The following ATXN7 variants were observed in gnomAD, a reference collection of about 807,000 sequenced individuals.
ATXN7 encodes the protein ataxin 7.
In ATXN7, 12 loss-of-function variants were observed where a neutral mutation model predicts 70.5. The observed-to-expected ratio is 0.17, with a 90% CI of 0.11 to 0.28. ATXN7 has a LOEUF of 0.28. Among genes scored for constraint, ATXN7 ranks in the 10% least tolerant of loss-of-function variants. ATXN7 has a pLI of 1.00. For missense variants in ATXN7, 1,256 were observed against 1,131.7 expected, an observed-to-expected ratio of 1.11 and a Z score of -1.58; for synonymous variants, 498 against 448.7, an observed-to-expected ratio of 1.11 and a Z score of -1.39.
chr3:63,946,471 C>T (rs906336092), intron 4 of ATXN7, among the ~76,000 whole-genome samples: 1 of 152,018 alleles, frequency 6.6e-6, no homozygotes, highest in African/African-American at 2.4e-5. Flanking sequence ...AACCCGTTCT[C>T]TACTAAAAAT....
intron 1 of ATXN7, among the ~76,000 whole-genome samples, chr3:63,897,167 A>C (rs1367048348): frequency 6.6e-6 from 1 of 152,240 alleles, no homozygotes; most frequent in East Asian, 1.9e-4. Flanking sequence ...CAGGACAGAC[A>C]TGTTGAACAA....
chr3:63,884,667 G>A (rs1013611551), intron 1 of ATXN7, among the ~76,000 whole-genome samples: 3 of 151,448 alleles, frequency 2.0e-5, no homozygotes, highest in Non-Finnish European at 2.9e-5. Context: ...TTTTTTGGGG[G>A]GGATCAGGTT....
chr3:63,926,590 C>T (rs1704724535), intron 4 of ATXN7, among the ~76,000 whole-genome samples: 1 of 152,118 alleles, frequency 6.6e-6, no homozygotes, highest in Admixed American at 6.5e-5. Flanking sequence ...AGGCAGATCA[C>T]ACAGGGCCTT....
chr3:63,913,322 C>T (rs893641524), intron 4 of ATXN7, 97 bp downstream of exon 4: 6 of 1,235,146 alleles, frequency 4.9e-6, no homozygotes, highest in East Asian at 4.8e-5. Flanking sequence ...ATACCGACTC[C>T]CCGACTCCCC....
At chr3:63,923,966 G>A (rs1704605572) in intron 4 of ATXN7, among the ~76,000 whole-genome samples, 2 of 152,148 alleles carry the variant, frequency 1.3e-5, no homozygotes, top group Admixed American at 6.5e-5. Context: ...GTGGTTAGGG[G>A]TAGCTTCAGC....
intron 4 of ATXN7, among the ~76,000 whole-genome samples, chr3:63,917,530 A>G (rs537949026): frequency 1.3e-4 from 20 of 152,324 alleles, no homozygotes; most frequent in Non-Finnish European, 2.9e-4. Context: ...GGAGTCAACA[A>G]TGGTATTGGG....
At chr3:63,984,947 G>A (rs561314814) in intron 8 of ATXN7, among the ~76,000 whole-genome samples, 9 of 152,270 alleles carry the variant, frequency 5.9e-5, no homozygotes, top group African/African-American at 2.2e-4. Context: ...ACTTGTTGTA[G>A]CATATTGCAG....
intron 4 of ATXN7, among the ~76,000 whole-genome samples, chr3:63,920,981 A>C (rs975979537): frequency 6.6e-6 from 1 of 152,228 alleles, no homozygotes; most frequent in African/African-American, 2.4e-5. Context: ...GAAGCCTGTT[A>C]GTAGACTTAG....
chr3:63,880,255 A>G (rs1268918111), intron 1 of ATXN7, among the ~76,000 whole-genome samples: 1 of 152,208 alleles, frequency 6.6e-6, no homozygotes, highest in Non-Finnish European at 1.5e-5. Flanking sequence ...CTTTAATAAA[A>G]GCATCAGCTG....
At chr3:63,940,671 G>A (rs543573072) in intron 4 of ATXN7, among the ~76,000 whole-genome samples, 5 of 152,090 alleles carry the variant, frequency 3.3e-5, no homozygotes, top group South Asian at 4.1e-4. Flanking sequence ...ATCTCATTCC[G>A]TCCAACAGTC....
At chr3:63,994,637 T>C (rs569195187) in intron 11 of ATXN7, among the ~76,000 whole-genome samples, 2 of 152,360 alleles carry the variant, frequency 1.3e-5, no homozygotes, top group Admixed American at 1.3e-4. Flanking sequence ...GGCAGCAGTC[T>C]AGGCCAGCTC....
intron 5 of ATXN7, among the ~76,000 whole-genome samples, chr3:63,952,708 A>G (rs1275274064): frequency 6.6e-6 from 1 of 152,116 alleles, no homozygotes; most frequent in Non-Finnish European, 1.5e-5. Flanking sequence ...TAGAGAAAGT[A>G]TAGTTTATAA....
intron 1 of ATXN7, among the ~76,000 whole-genome samples, chr3:63,890,073 GTTCA>G (rs1365739673): frequency 6.6e-6 from 1 of 152,114 alleles, no homozygotes; most frequent in African/African-American, 2.4e-5. Context: ...AAGTGTTTAT[GTTCA>G]TTCATGCATG....
chr3:63,910,392 T>C (rs1228211987), intron 2 of ATXN7, among the ~76,000 whole-genome samples: 1 of 152,228 alleles, frequency 6.6e-6, no homozygotes, highest in Non-Finnish European at 1.5e-5. Flanking sequence ...TAGCTTCAAA[T>C]GCCGTTAAAA....
intron 1 of ATXN7, among the ~76,000 whole-genome samples, chr3:63,893,218 CA>C (rs1345109842): frequency 6.6e-6 from 1 of 152,166 alleles, no homozygotes; most frequent in East Asian, 1.9e-4. Flanking sequence ...TTATTATTGT[CA>C]TGTGCTTTTA....
intron 9 of ATXN7, among the ~76,000 whole-genome samples, chr3:63,989,002 A>C (rs550742839): frequency 6.6e-6 from 1 of 152,344 alleles, no homozygotes; most frequent in Non-Finnish European, 1.5e-5. Context: ...CCGTTCATTT[A>C]TTGGGAGCAA....
At chr3:63,987,376 C>T (rs570400159) in intron 8 of ATXN7, among the ~76,000 whole-genome samples, 1 of 152,108 alleles carries the variant, frequency 6.6e-6, no homozygotes, top group Non-Finnish European at 1.5e-5. Flanking sequence ...GGGTGTTGTC[C>T]ATCCCATTTC....
intron 5 of ATXN7, among the ~76,000 whole-genome samples, chr3:63,960,881 A>C (rs984640322): frequency 6.6e-6 from 1 of 152,056 alleles, no homozygotes. Flanking sequence ...CAGTTTTTTA[A>C]TGTTTCTGTA....
At chr3:63,868,576 T>G (rs1257524325) in intron 1 of ATXN7, among the ~76,000 whole-genome samples, 1 of 152,144 alleles carries the variant, frequency 6.6e-6, no homozygotes, top group Non-Finnish European at 1.5e-5. Flanking sequence ...TTTTCAAAAA[T>G]GAGTTAGGAT....
Sources: gnomAD v4.1 joint callset for allele counts (sites outside exome capture counted in the v4.1 genomes callset) on GRCh38, gnomAD v4.1.1 for gene constraint, MANE v1.5 for transcripts, NCBI Gene and HGNC (gene_info 2026-07-23, HGNC 2026-07-21) for gene names.